The following IGF1 variants were observed in gnomAD, a reference collection of about 807,000 sequenced individuals.
The protein encoded by IGF1 is insulin-like growth factor 1.
In IGF1, 4 loss-of-function variants were observed where a neutral mutation model predicts 13.8. The ratio of observed to expected loss-of-function variants is 0.29; its 90% CI spans 0.14 to 0.66. IGF1 has a LOEUF of 0.66. Among genes scored for constraint, IGF1 ranks in the 30% least tolerant of loss-of-function variants. The pLI is 0.78. For missense variants in IGF1, 124 were observed against 188.5 expected, an observed-to-expected ratio of 0.66 and a Z score of 2.00; for synonymous variants, 76 against 72.6, an observed-to-expected ratio of 1.05 and a Z score of -0.23.
chr12:102,439,966 G>A (rs112699007), intron 2 of IGF1, among the ~76,000 whole-genome samples: 23 of 152,134 alleles, frequency 1.5e-4, no homozygotes, highest in East Asian at 9.6e-4. Context: ...GACCCCAGGC[G>A]CTGTGGGAAG....
At chr12:102,448,871 T>C (rs1878634617) in intron 2 of IGF1, among the ~76,000 whole-genome samples, 1 of 151,998 alleles carries the variant, frequency 6.6e-6, no homozygotes, top group Non-Finnish European at 1.5e-5. Context: ...CCAGTTAGAA[T>C]GGTGATCATT....
At chr12:102,450,981 T>C (rs1878868375) in intron 2 of IGF1, among the ~76,000 whole-genome samples, 1 of 152,190 alleles carries the variant, frequency 6.6e-6, no homozygotes, top group Non-Finnish European at 1.5e-5. Flanking sequence ...TAACCTGTTA[T>C]AGTAGGTTAG....
At chr12:102,403,695 T>C (rs189005160) in intron 3 of IGF1, among the ~76,000 whole-genome samples, 1 of 143,968 alleles carries the variant, frequency 6.9e-6, no homozygotes, top group African/African-American at 2.6e-5. Flanking sequence ...GGTCTTCAAC[T>C]AGTGGGCTCA....
intron 2 of IGF1, among the ~76,000 whole-genome samples, chr12:102,446,474 T>C (rs1878339269): frequency 6.6e-6 from 1 of 152,202 alleles, no homozygotes; most frequent in South Asian, 2.1e-4. Flanking sequence ...GTCCAGCAAT[T>C]TATCCATTTC....
chr12:102,472,940 A>G (rs1880778275), intron 2 of IGF1, among the ~76,000 whole-genome samples: 1 of 152,212 alleles, frequency 6.6e-6, no homozygotes, highest in Non-Finnish European at 1.5e-5. Flanking sequence ...GGTGAGAAGT[A>G]TTGTCCACAG....
intron 2 of IGF1, among the ~76,000 whole-genome samples, chr12:102,420,041 A>G (rs1245631271): frequency 6.6e-6 from 1 of 152,204 alleles, no homozygotes; most frequent in Non-Finnish European, 1.5e-5. Context: ...AAGATCATGC[A>G]TTGTTTTCTT....
chr12:102,470,510 A>T (rs1409174557), intron 2 of IGF1, among the ~76,000 whole-genome samples: 1 of 152,210 alleles, frequency 6.6e-6, no homozygotes, highest in East Asian at 1.9e-4. Context: ...ATAAAAACAC[A>T]TTGCTTCTCT....
chr12:102,406,679 A>G (rs1463875469), intron 3 of IGF1, among the ~76,000 whole-genome samples: 1 of 152,188 alleles, frequency 6.6e-6, no homozygotes, highest in African/African-American at 2.4e-5. Flanking sequence ...TTATGGACAG[A>G]CACGCATATT....
Position 102,417,780 on chromosome 12 carries a change from C to G in IGF1, c.402+1729G>C, listed in dbSNP as rs777590203. 5 of 1,612,566 alleles carry G rather than the reference C, an allele frequency of 3.1e-6. No homozygotes were observed. In the African/African-American group the frequency reaches 5.3e-5, roughly 17 times the overall value. ...TCATTCTTGCTGTCTGCTCCTCTCT[C>G]ATCATCCTTGCCTCTGTCTGTTTAA... On this transcript the variant is annotated intron_variant, in intron 3 of 3. Coordinates refer to ENST00000337514, the MANE Select transcript of IGF1 (RefSeq NM_000618.5).
At chr12:102,444,185 A>T (rs1244621816) in intron 2 of IGF1, among the ~76,000 whole-genome samples, 1 of 151,766 alleles carries the variant, frequency 6.6e-6, no homozygotes, top group Non-Finnish European at 1.5e-5. Context: ...AGGAGTCAAG[A>T]GGGAGGGGGC....
chr12:102,464,592 T>C (rs1433878686), intron 2 of IGF1, among the ~76,000 whole-genome samples: 1 of 151,550 alleles, frequency 6.6e-6, no homozygotes, highest in African/African-American at 2.4e-5. Context: ...AGTATTTGAT[T>C]GTGTGGTTCA....
chr12:102,433,568 T>C (rs1876933931), intron 2 of IGF1, among the ~76,000 whole-genome samples: 1 of 152,184 alleles, frequency 6.6e-6, no homozygotes, highest in Admixed American at 6.5e-5. Flanking sequence ...CTTAACTGTA[T>C]ATTAGCCTTT....
At chr12:102,441,158 T>C (rs1877680405) in intron 2 of IGF1, among the ~76,000 whole-genome samples, 1 of 152,194 alleles carries the variant, frequency 6.6e-6, no homozygotes, top group South Asian at 2.1e-4. Context: ...TATACATCAG[T>C]GTCTCTGAAA....
intron 2 of IGF1, among the ~76,000 whole-genome samples, chr12:102,428,623 A>G (rs901097321): frequency 6.6e-6 from 1 of 152,206 alleles, no homozygotes; most frequent in African/African-American, 2.4e-5. Flanking sequence ...GAGAATTAGT[A>G]TGAGAAGAGT....
intron 2 of IGF1, among the ~76,000 whole-genome samples, chr12:102,435,262 C>A (rs1877126191): frequency 6.6e-6 from 1 of 152,204 alleles, no homozygotes; most frequent in Non-Finnish European, 1.5e-5. Context: ...GAGGCACATA[C>A]TCACCTCACA....
intron 3 of IGF1, chr12:102,417,659 G>A (rs1015467253): frequency 3.3e-5 from 46 of 1,396,786 alleles, no homozygotes; most frequent in African/African-American, 6.0e-5. Context: ...GTTTCTTAGC[G>A]AGATTCTCTA....
chr12:102,449,686 A>G (rs1029402367), intron 2 of IGF1, among the ~76,000 whole-genome samples: 5 of 142,046 alleles, frequency 3.5e-5, no homozygotes, highest in Non-Finnish European at 1.5e-5. Flanking sequence ...GAGAAGGGAC[A>G]TCCTGAGAGA....
chr12:102,479,333 C>T (rs996145608), intron 1 of IGF1, among the ~76,000 whole-genome samples: 2 of 151,996 alleles, frequency 1.3e-5, no homozygotes, highest in Non-Finnish European at 2.9e-5. Flanking sequence ...GTGGCAGAGA[C>T]GTCTTATGAA....
chr12:102,422,367 T>C (rs983302711), intron 2 of IGF1, among the ~76,000 whole-genome samples: 2 of 152,212 alleles, frequency 1.3e-5, no homozygotes, highest in African/African-American at 4.8e-5. Context: ...AATGGACTCA[T>C]TGTACGTCAT....
Sources: allele counts gnomAD v4.1 joint callset (sites outside exome capture counted in the v4.1 genomes callset), GRCh38; gene constraint gnomAD v4.1.1; transcripts MANE v1.5; gene names NCBI Gene and HGNC (gene_info 2026-07-23, HGNC 2026-07-21).